FBXO25: variants seen among roughly 807,000 people sequenced by gnomAD.
FBXO25 encodes F-box protein 25.
A neutral mutation model predicts 51.9 loss-of-function variants in FBXO25; 45 were observed. That is an observed-to-expected ratio of 0.87 (90% CI 0.68 to 1.11). FBXO25 has a LOEUF of 1.11. Among genes scored for constraint, FBXO25 ranks in the 50% most tolerant of loss-of-function variants. The pLI, the probability that FBXO25 is intolerant of heterozygous loss-of-function variation, is 0.00. For missense variants in FBXO25, 507 were observed against 428.5 expected (o/e 1.18, Z -1.62); for synonymous variants, 199 against 151.0 (o/e 1.32, Z -2.33).
intron 2 of FBXO25, among the ~76,000 whole-genome samples, chr8:417,534 T>G (rs1796882908): frequency 6.6e-6 from 1 of 152,160 alleles, no homozygotes; most frequent in Non-Finnish European, 1.5e-5. Flanking sequence ...AGCTAGAAGG[T>G]AGAGTTGCAT....
At chr8:465,031 C>G (rs1352040187) in intron 9 of FBXO25, among the ~76,000 whole-genome samples, 1 of 152,168 alleles carries the variant, frequency 6.6e-6, no homozygotes, top group Non-Finnish European at 1.5e-5. Flanking sequence ...AACCCTCATT[C>G]TATTCTTTTC....
intron 4 of FBXO25, among the ~76,000 whole-genome samples, chr8:434,528 G>T (rs1314606893): frequency 6.6e-6 from 1 of 152,184 alleles, no homozygotes. Flanking sequence ...CCGTCAGGGC[G>T]ATTGGGGTTG....
intron 2 of FBXO25, among the ~76,000 whole-genome samples, chr8:424,977 A>T (rs1797382423): frequency 6.6e-6 from 1 of 152,174 alleles, no homozygotes; most frequent in African/African-American, 2.4e-5. Flanking sequence ...AATATTTTTT[A>T]AAAATGTTTC....
At chr8:456,725 A>G (rs1175381205) in intron 7 of FBXO25, among the ~76,000 whole-genome samples, 2 of 152,222 alleles carry the variant, frequency 1.3e-5, no homozygotes, top group African/African-American at 4.8e-5. Context: ...CGTGTCTGGC[A>G]GATGCATAGG....
intron 1 of FBXO25, 24 bp downstream of exon 1, chr8:407,090 C>G (rs1418898393): frequency 6.6e-6 from 1 of 152,268 alleles, no homozygotes; most frequent in African/African-American, 2.4e-5. Context: ...GCAGCGGGCG[C>G]GTCAGGTGAA....
intron 2 of FBXO25, among the ~76,000 whole-genome samples, chr8:418,333 C>CTTTTTTTTTTTTTTTTTTTTTTTTTT (rs1207244013): frequency 3.0e-4 from 22 of 72,334 alleles, no homozygotes; most frequent in South Asian, 1.2e-3. Flanking sequence ...TTTGTTTGTT[C>CTTTTTTTTTTTTTTTTTTTTTTTTTT]TTTTTTTTTT....
At position 471,985 on chromosome 8, in the gene FBXO25, C is replaced by G. The variant is rs1800500125; in HGVS notation, c.*3181C>G. On this transcript the variant is annotated 3_prime_UTR_variant, in exon 10 of 10. Coordinates refer to ENST00000350302, the MANE Select transcript of FBXO25 (RefSeq NM_183420.2). ...AGCTCTTTTAACACCTTTGTAGATT[C>G]CTGATGCTGTGTACAAAATCATGTC... is the stretch of plus-strand genomic sequence containing the variant. 6.6e-6 allele frequency: 1 copy of G among 152,198 alleles called. No homozygotes were observed. 9.4% of individuals were successfully genotyped at this position (152,198 alleles called of 1,614,324 possible). A position where few individuals can be genotyped will look rare whatever the true frequency, so the allele number is the denominator to read the frequency against.
At chr8:415,221 G>A (rs1365041919) in intron 2 of FBXO25, among the ~76,000 whole-genome samples, 6 of 150,804 alleles carry the variant, frequency 4.0e-5, no homozygotes, top group Non-Finnish European at 8.8e-5. Flanking sequence ...AAGATTCTAC[G>A]TAACTTTGTT....
Position 438,013 on chromosome 8 carries a change from A to G in FBXO25, c.381+2306A>G, listed in dbSNP as rs573124934. ...GTTTCCTTTTTTTCTAATGGCATTT[A>G]GTAATATCTGCCCTTAAGAATTTGT... On this transcript the variant is annotated intron_variant, in intron 5 of 9. Coordinates refer to ENST00000350302, the MANE Select transcript of FBXO25 (RefSeq NM_183420.2). Among the ~76,000 whole-genome samples the G allele has an allele frequency of 1.6e-4, 24 of 152,086 alleles. 1 individual carries two copies. The East Asian group carries it at 4.3e-3, about 27-fold the overall frequency.
chr8:423,795 T>C (rs534909818), intron 2 of FBXO25, among the ~76,000 whole-genome samples: 1 of 152,338 alleles, frequency 6.6e-6, no homozygotes, highest in African/African-American at 2.4e-5. Context: ...TTATTTTCTT[T>C]TGGATATATA....
intron 7 of FBXO25, among the ~76,000 whole-genome samples, chr8:457,489 G>A (rs768959676): frequency 1.2e-4 from 18 of 152,210 alleles, no homozygotes; most frequent in Non-Finnish European, 2.2e-4. Flanking sequence ...TGGCGTGTGT[G>A]AGGGAGAAAT....
chr8:412,250 G>A (rs548336083), intron 1 of FBXO25, among the ~76,000 whole-genome samples: 2 of 152,200 alleles, frequency 1.3e-5, no homozygotes, highest in Admixed American at 6.5e-5. Context: ...TGTTCCTTCT[G>A]TATGTCTTAT....
Position 469,663 on chromosome 8 carries a change from G to A in FBXO25, c.*859G>A, listed in dbSNP as rs117403739. On this transcript the variant is annotated 3_prime_UTR_variant, in exon 10 of 10. Transcript: ENST00000350302. ...AAGATTGCTTCGTTTTTAAAATAACGCATGTCCATTTTAGAAAATTAGAAA... is the reference window on the plus strand; with the variant it reads ...AAGATTGCTTCGTTTTTAAAATAACACATGTCCATTTTAGAAAATTAGAAA... 3.9e-5 allele frequency: 6 copies of A among 152,184 alleles called. No individual in the cohort carries two copies. The East Asian group carries it at 7.7e-4, about 20-fold the overall frequency. 9.4% of individuals were successfully genotyped at this position (152,184 alleles called of 1,614,324 possible).
chr8:439,941 C>T (rs955729980), intron 5 of FBXO25, among the ~76,000 whole-genome samples: 3 of 152,190 alleles, frequency 2.0e-5, no homozygotes, highest in African/African-American at 7.2e-5. Flanking sequence ...ACATCTCAGG[C>T]TAGAATCTCT....
At chr8:455,621 T>C (rs1430617939) in intron 7 of FBXO25, among the ~76,000 whole-genome samples, 2 of 152,176 alleles carry the variant, frequency 1.3e-5, no homozygotes, top group African/African-American at 4.8e-5. Context: ...GCAACACAAG[T>C]TTCTGTTAGC....
intron 2 of FBXO25, among the ~76,000 whole-genome samples, chr8:419,442 G>A (rs1387320177): frequency 6.6e-6 from 1 of 152,156 alleles, no homozygotes; most frequent in Non-Finnish European, 1.5e-5. Context: ...TGTGGTACTG[G>A]CGAAAAGATA....
chr8:456,216 G>C (rs960132162), intron 7 of FBXO25, among the ~76,000 whole-genome samples: 2 of 152,100 alleles, frequency 1.3e-5, no homozygotes, highest in Non-Finnish European at 2.9e-5. Flanking sequence ...GTTTTGTTTT[G>C]TTTTTGTCTT....
intron 9 of FBXO25, among the ~76,000 whole-genome samples, chr8:465,364 G>T (rs971642335): frequency 1.1e-4 from 17 of 152,154 alleles, no homozygotes; most frequent in Non-Finnish European, 2.2e-4. Context: ...TTTTTCTCCT[G>T]AGCAGATTGT....
intron 2 of FBXO25, among the ~76,000 whole-genome samples, chr8:422,921 T>C (rs1797241077): frequency 6.6e-6 from 1 of 152,170 alleles, no homozygotes; most frequent in South Asian, 2.1e-4. Flanking sequence ...CCCTGAACTG[T>C]ACTTAAAAGT....
Sources: gnomAD v4.1 joint callset for allele counts (sites outside exome capture counted in the v4.1 genomes callset) on GRCh38, gnomAD v4.1.1 for gene constraint, MANE v1.5 for transcripts, NCBI Gene and HGNC (gene_info 2026-07-23, HGNC 2026-07-21) for gene names.